NUFIP1: variants seen among roughly 807,000 people sequenced by gnomAD.
NUFIP1 encodes FMR1-interacting protein NUFIP1.
NUFIP1 carries 38 observed loss-of-function variants against 56.2 expected under a neutral mutation model. The ratio of observed to expected loss-of-function variants is 0.68; its 90% CI spans 0.52 to 0.89. NUFIP1 has a LOEUF of 0.89. Among genes scored for constraint, NUFIP1 ranks in the 40% least tolerant of loss-of-function variants. The probability of loss-of-function intolerance (pLI) is 0.00; values close to 1 mark genes in which losing one functional copy is unlikely to be tolerated. For missense variants in NUFIP1, 567 were observed against 605.8 expected (o/e 0.94, Z 0.67); for synonymous variants, 215 against 212.4 (o/e 1.01, Z -0.10).
chr13:44,969,964 G>A (rs1871746472), intron 5 of NUFIP1, among the ~76,000 whole-genome samples: 1 of 152,176 alleles, frequency 6.6e-6, no homozygotes, highest in Non-Finnish European at 1.5e-5. Context: ...ATTCTTTAGA[G>A]CAGATCTCCT....
At chr13:44,980,873 A>T (rs887434411) in intron 2 of NUFIP1, 53 bp from the exon 3 acceptor site, 3 of 1,169,960 alleles carry the variant, frequency 2.6e-6, no homozygotes, top group African/African-American at 3.1e-5. Flanking sequence ...TCTGTAATCA[A>T]TAATAAAAAC....
At chr13:44,949,585 T>G in intron 8 of NUFIP1, 137 bp downstream of exon 8, 2 of 602,320 alleles carry the variant, frequency 3.3e-6, no homozygotes, top group Non-Finnish European at 5.9e-6. Flanking sequence ...CATGTTAACT[T>G]TACTTCTGAT....
chr13:44,947,764 G>C (rs1870946208), intron 8 of NUFIP1, among the ~76,000 whole-genome samples: 1 of 152,100 alleles, frequency 6.6e-6, no homozygotes, highest in South Asian at 2.1e-4. Flanking sequence ...CACCTGTTAT[G>C]AATACAACTG....
At chr13:44,988,724 T>A (rs1872530888) in intron 1 of NUFIP1, among the ~76,000 whole-genome samples, 1 of 152,190 alleles carries the variant, frequency 6.6e-6, no homozygotes, top group South Asian at 2.1e-4. Flanking sequence ...CAGACATATT[T>A]TGAGAACAAA....
intron 7 of NUFIP1, among the ~76,000 whole-genome samples, chr13:44,957,372 C>T (rs575878526): frequency 6.6e-5 from 10 of 152,210 alleles, no homozygotes; most frequent in African/African-American, 2.2e-4. Context: ...CCATCACACC[C>T]GGCTAATTTT....
At chr13:44,953,287 TG>T (rs1039384487) in intron 7 of NUFIP1, among the ~76,000 whole-genome samples, 61 of 152,124 alleles carry the variant, frequency 4.0e-4, no homozygotes, top group African/African-American at 1.4e-3. Flanking sequence ...ATAAATATTT[TG>T]GGGGGAGATA....
At chr13:44,942,317 C>CA (rs1475086242) in intron 9 of NUFIP1, among the ~76,000 whole-genome samples, 7 of 151,964 alleles carry the variant, frequency 4.6e-5, no homozygotes, top group Admixed American at 6.6e-5. Flanking sequence ...TGTAGTTTGC[C>CA]AAAAAGGAAT....
intron 5 of NUFIP1, among the ~76,000 whole-genome samples, chr13:44,972,489 TG>T (rs1237954678): frequency 3.3e-5 from 5 of 152,140 alleles, no homozygotes; most frequent in Non-Finnish European, 7.4e-5. Context: ...TGGTTGCCAG[TG>T]GGTGGAGGGG....
intron 5 of NUFIP1, among the ~76,000 whole-genome samples, chr13:44,966,866 G>A (rs915681369): frequency 5.3e-5 from 8 of 151,430 alleles, no homozygotes; most frequent in Non-Finnish European, 8.8e-5. Flanking sequence ...CCAGCTACTC[G>A]GGAGGCTGAG....
chr13:44,984,907 T>G (rs1364846938), intron 1 of NUFIP1, among the ~76,000 whole-genome samples: 1 of 152,148 alleles, frequency 6.6e-6, no homozygotes, highest in Non-Finnish European at 1.5e-5. Flanking sequence ...CTCCTTCCTG[T>G]GTCCATGTGT....
intron 1 of NUFIP1, among the ~76,000 whole-genome samples, chr13:44,983,470 C>T: frequency 6.6e-6 from 1 of 151,828 alleles, no homozygotes; most frequent in East Asian, 1.9e-4. Context: ...AGCCACCGCA[C>T]CCAGCCCCCC....
At chr13:44,953,237 CAT>C (rs1277942476) in intron 7 of NUFIP1, among the ~76,000 whole-genome samples, 1 of 152,120 alleles carries the variant, frequency 6.6e-6, no homozygotes. Flanking sequence ...GAATTTTCGA[CAT>C]ATGTTAAAAC....
At chr13:44,980,467 C>A (rs976595833) in intron 3 of NUFIP1, among the ~76,000 whole-genome samples, 2 of 152,140 alleles carry the variant, frequency 1.3e-5, no homozygotes, top group Non-Finnish European at 2.9e-5. Context: ...ACAGCCTCTT[C>A]CCAAGCAGTA....
chr13:44,986,883 A>G (rs956144209), intron 1 of NUFIP1, among the ~76,000 whole-genome samples: 1 of 152,128 alleles, frequency 6.6e-6, no homozygotes. Flanking sequence ...AATATTATAT[A>G]AACTTAGTTG....
At chr13:44,941,397 T>C (rs1322389671) in intron 9 of NUFIP1, 75 bp from the exon 10 acceptor site, 13 of 778,986 alleles carry the variant, frequency 1.7e-5, no homozygotes, top group Non-Finnish European at 2.8e-5. Context: ...ATATTGCATG[T>C]ACCCTCACCA....
At chr13:44,983,589 G>A (rs75020024) in intron 1 of NUFIP1, among the ~76,000 whole-genome samples, 1 of 152,002 alleles carries the variant, frequency 6.6e-6, no homozygotes, top group Non-Finnish European at 1.5e-5. Flanking sequence ...TTGAGCCCAA[G>A]AGTTTGAGAT....
chr13:44,967,855 C>T (rs1438952692), intron 5 of NUFIP1, among the ~76,000 whole-genome samples: 5 of 152,150 alleles, frequency 3.3e-5, no homozygotes, highest in Admixed American at 1.3e-4. Flanking sequence ...AGGAAGGGAA[C>T]ACAGCTCTCT....
chr13:44,964,770 G>A (rs997692483), intron 6 of NUFIP1, among the ~76,000 whole-genome samples: 4 of 152,080 alleles, frequency 2.6e-5, no homozygotes, highest in African/African-American at 7.2e-5. Flanking sequence ...TCTTCACTCC[G>A]AGTCATAACT....
intron 9 of NUFIP1, 104 bp from the exon 10 acceptor site, chr13:44,941,426 A>G (rs1870731779): frequency 1.6e-5 from 10 of 631,900 alleles, no homozygotes; most frequent in Non-Finnish European, 2.8e-5. Flanking sequence ...AGACAGAACA[A>G]TAAGAAATAT....
Sources: allele counts gnomAD v4.1 joint callset (sites outside exome capture counted in the v4.1 genomes callset), GRCh38; gene constraint gnomAD v4.1.1; transcripts MANE v1.5; gene names NCBI Gene and HGNC (gene_info 2026-07-23, HGNC 2026-07-21).